Variants in NREP observed in about 807,000 individuals in gnomAD.
NREP encodes neuronal regeneration-related protein.
Under a neutral mutation model 8.6 loss-of-function variants are expected in NREP, and 5 were observed. The ratio of observed to expected loss-of-function variants is 0.58; its 90% CI spans 0.30 to 1.22. NREP has a LOEUF of 1.22. NREP is among the 50% of genes most tolerant of loss of function. The pLI is 0.07. For missense variants in NREP, 86 were observed against 82.5 expected (o/e 1.04, Z -0.17); for synonymous variants, 27 against 28.0 (o/e 0.96, Z 0.11).
chr5:111,967,208 A>G (rs927391171), intron 2 of NREP, among the ~76,000 whole-genome samples: 1 of 152,206 alleles, frequency 6.6e-6, no homozygotes, highest in Non-Finnish European at 1.5e-5. Flanking sequence ...ATAGAGCTCA[A>G]CAACTTCAGT....
intron 2 of NREP, among the ~76,000 whole-genome samples, chr5:111,940,875 G>C (rs1390004342): frequency 6.6e-6 from 1 of 152,046 alleles, no homozygotes; most frequent in Non-Finnish European, 1.5e-5. Flanking sequence ...ACAGTGAAAG[G>C]ATACAGATTA....
intron 2 of NREP, among the ~76,000 whole-genome samples, chr5:111,764,544 C>T (rs1039962478): frequency 2.0e-5 from 3 of 152,110 alleles, no homozygotes; most frequent in Non-Finnish European, 4.4e-5. Context: ...TTCACTATCA[C>T]GAGAGCAGCA....
At position 111,798,713 on chromosome 5, in the gene NREP, T is replaced by C. The variant is rs1252958368; in HGVS notation, c.136-63206A>G. Among the ~76,000 whole-genome samples the C allele has an allele frequency of 9.9e-5, 15 of 152,114 alleles. 1 individual carries two copies. In the South Asian group the frequency reaches 1.7e-3, roughly 17 times the overall value. ...CAAATGACATTATTTTGTTCCTTTT[T>C]ATGGCTGAGTAGTATTCCATGGTGT... On this transcript the variant is annotated intron_variant, in intron 2 of 3. Coordinates refer to the NREP transcript ENST00000395634.
At chr5:111,785,711 C>A (rs1435335560) in intron 2 of NREP, among the ~76,000 whole-genome samples, 1 of 151,984 alleles carries the variant, frequency 6.6e-6, no homozygotes, top group Non-Finnish European at 1.5e-5. Context: ...AGAAAGGGGA[C>A]ATGAAGCTGT....
chr5:111,776,842 A>T (rs1310643277), intron 2 of NREP, among the ~76,000 whole-genome samples: 1 of 152,212 alleles, frequency 6.6e-6, no homozygotes, highest in Non-Finnish European at 1.5e-5. Context: ...CTATATCATG[A>T]TCTGAATGGT....
chr5:111,764,166 C>A (rs758622264), intron 2 of NREP, among the ~76,000 whole-genome samples: 9 of 152,204 alleles, frequency 5.9e-5, no homozygotes, highest in Non-Finnish European at 8.8e-5. Flanking sequence ...TTCAATAGGG[C>A]CTGCAGCATC....
intron 2 of NREP, among the ~76,000 whole-genome samples, chr5:111,768,105 A>T (rs1751129054): frequency 6.6e-6 from 1 of 152,110 alleles, no homozygotes; most frequent in Non-Finnish European, 1.5e-5. Flanking sequence ...TGCATATTAC[A>T]AATCAGGTTT....
At chr5:111,801,261 T>C (rs765545084) in intron 2 of NREP, among the ~76,000 whole-genome samples, 3 of 152,190 alleles carry the variant, frequency 2.0e-5, no homozygotes, top group African/African-American at 7.2e-5. Context: ...ACAGGGAGAA[T>C]TAAGCCTCTA....
intron 2 of NREP, among the ~76,000 whole-genome samples, chr5:111,868,868 A>G (rs945128211): frequency 6.6e-6 from 1 of 151,498 alleles, no homozygotes; most frequent in Non-Finnish European, 1.5e-5. Context: ...TGAATTTTCC[A>G]TACTCACAAT....
intron 2 of NREP, among the ~76,000 whole-genome samples, chr5:111,898,908 C>A (rs1284613684): frequency 6.6e-6 from 1 of 152,068 alleles, no homozygotes; most frequent in Non-Finnish European, 1.5e-5. Flanking sequence ...CAGCAGAAAC[C>A]TTGTAGGCTG....
At chr5:111,863,002 T>C (rs1368840612) in intron 2 of NREP, among the ~76,000 whole-genome samples, 2 of 150,830 alleles carry the variant, frequency 1.3e-5, no homozygotes, top group African/African-American at 4.9e-5. Context: ...CAATGGCCAT[T>C]AAGAGTGTTT....
At chr5:111,793,879 C>A (rs1751812825) in intron 2 of NREP, among the ~76,000 whole-genome samples, 1 of 152,004 alleles carries the variant, frequency 6.6e-6, no homozygotes, top group South Asian at 2.1e-4. Flanking sequence ...AGTAACAAAG[C>A]AAGCCCCTGT....
intron 2 of NREP, among the ~76,000 whole-genome samples, chr5:111,796,334 T>C (rs1751872869): frequency 6.6e-6 from 1 of 152,216 alleles, no homozygotes; most frequent in Non-Finnish European, 1.5e-5. Context: ...CCAGCCATGA[T>C]AATCTGTCTC....
intron 2 of NREP, among the ~76,000 whole-genome samples, chr5:111,893,035 G>A (rs1031092470): frequency 6.6e-6 from 1 of 152,306 alleles, no homozygotes; most frequent in Non-Finnish European, 1.5e-5. Flanking sequence ...ACCCACAGCA[G>A]GTCTCATGAT....
intron 2 of NREP, among the ~76,000 whole-genome samples, chr5:111,820,607 A>G (rs998358869): frequency 4.6e-5 from 7 of 152,160 alleles, no homozygotes; most frequent in Non-Finnish European, 1.5e-5. Context: ...AAACTGGGAC[A>G]TATATGGCTG....
intron 2 of NREP, among the ~76,000 whole-genome samples, chr5:111,822,689 A>G (rs929375469): frequency 6.6e-6 from 1 of 152,232 alleles, no homozygotes; most frequent in Admixed American, 6.5e-5. Flanking sequence ...AATGTCCACC[A>G]TGTAAATTAA....
rs114055276 is a variant in NREP, at chr5:111,870,631, C to G, written c.135+104643G>C. ...ACCAAAAGGTATGTTGATGTCCTAACCTCCAGCACCTTATTTGGACCTTAT... is the reference window on the plus strand; with the variant it reads ...ACCAAAAGGTATGTTGATGTCCTAAGCTCCAGCACCTTATTTGGACCTTAT... On this transcript the variant is annotated intron_variant, in intron 2 of 3. Transcript: ENST00000395634. Among the ~76,000 whole-genome samples, 1,179 of 152,214 alleles carry G rather than the reference C, an allele frequency of 7.7e-3. 13 individuals are homozygous for G. The highest frequency in any genetic ancestry group is 0.027 in the African/African-American group (1,104 of 41,536).
intron 2 of NREP, among the ~76,000 whole-genome samples, chr5:111,858,084 G>C (rs985130593): frequency 1.3e-5 from 2 of 152,080 alleles, no homozygotes; most frequent in African/African-American, 4.8e-5. Flanking sequence ...GGTTCTCTGA[G>C]TTTCCTACAA....
chr5:111,764,161 T>C (rs137985285), intron 2 of NREP, among the ~76,000 whole-genome samples: 139 of 152,328 alleles, frequency 9.1e-4, no homozygotes, highest in African/African-American at 3.1e-3. Context: ...TAGGATTCAA[T>C]AGGGCCTGCA....
Sources: gnomAD v4.1 joint callset for allele counts (sites outside exome capture counted in the v4.1 genomes callset) on GRCh38, gnomAD v4.1.1 for gene constraint, MANE v1.5 for transcripts, NCBI Gene and HGNC (gene_info 2026-07-23, HGNC 2026-07-21) for gene names.